The following PDZRN3 variants were observed in gnomAD, a reference collection of about 807,000 sequenced individuals.
PDZRN3 encodes E3 ubiquitin-protein ligase PDZRN3.
PDZRN3 carries 38 observed loss-of-function variants against 85.7 expected under a neutral mutation model. The observed-to-expected ratio is 0.44, with a 90% CI of 0.34 to 0.58. The LOEUF (loss-of-function observed/expected upper bound fraction) is 0.58, where lower values mean the gene tolerates loss of function less well. Among genes scored for constraint, PDZRN3 ranks in the 20% least tolerant of loss-of-function variants. The probability of loss-of-function intolerance (pLI) is 0.01; values close to 1 mark genes in which losing one functional copy is unlikely to be tolerated. For synonymous variants in PDZRN3, 759 were observed against 638.0 expected, an observed-to-expected ratio of 1.19 and a Z score of -2.86; for missense variants, 1,629 against 1,506.4, an observed-to-expected ratio of 1.08 and a Z score of -1.35.
intron 3 of PDZRN3, among the ~76,000 whole-genome samples, chr3:73,576,333 A>G (rs1236436958): frequency 2.0e-5 from 3 of 152,222 alleles, no homozygotes; most frequent in Non-Finnish European, 2.9e-5. Context: ...TATAAAGCTG[A>G]TATCTATATA....
chr3:73,486,172 C>T (rs1267750084), intron 3 of PDZRN3, among the ~76,000 whole-genome samples: 1 of 152,154 alleles, frequency 6.6e-6, no homozygotes, highest in Non-Finnish European at 1.5e-5. Context: ...AGCACATTAG[C>T]AGACAGTGGG....
rs781350349 is a variant in PDZRN3, at chr3:73,384,181, C to A, written c.2385G>T (p.Val795=). Residue 795 remains valine, a synonymous_variant, in exon 10 of 10, where the codon GTG becomes GTT. Transcript: ENST00000263666. ...CTGGCCCGTAGGCTTCCGTGGTCCCCACAGCCCCTTCGCTGCTCGGGCAGC... is the reference window on the plus strand; with the variant it reads ...CTGGCCCGTAGGCTTCCGTGGTCCCAACAGCCCCTTCGCTGCTCGGGCAGC... ...GISCPSSEGA[V]GTTEAYGPAS... 6.2e-7 allele frequency: 1 copy of A among 1,614,092 alleles called. No individual in the cohort carries two copies. The highest frequency in any genetic ancestry group is 8.5e-7 in the Non-Finnish European group (1 of 1,180,042).
chr3:73,483,049 T>C (rs7630151), intron 3 of PDZRN3, among the ~76,000 whole-genome samples: 151,871 of 152,326 alleles, frequency 1, 75,710 homozygotes, highest in Middle Eastern at 1. Flanking sequence ...TTGCCTTTGC[T>C]TTATAATCCA....
Position 73,400,976 on chromosome 3 carries a change from A to G in PDZRN3, c.1200T>C (p.Asn400=). 1.2e-6 allele frequency: 2 copies of G among 1,613,642 alleles called. No homozygotes were observed. The highest frequency in any genetic ancestry group is 1.7e-6 in the Non-Finnish European group (2 of 1,179,524). The change falls in exon 5 of 10, where the codon AAT becomes AAC. Residue 400 remains asparagine, a synonymous_variant. Coordinates refer to ENST00000263666, the MANE Select transcript of PDZRN3 (RefSeq NM_015009.3). ...CCTGATGGATGTCTCCAATGTAGTCATTTGGATCGTAGTATTCATGGGCTG... is the reference window on the plus strand; with the variant it reads ...CCTGATGGATGTCTCCAATGTAGTCGTTTGGATCGTAGTATTCATGGGCTG... ...HPSAHEYYDP[N]DYIGDIHQEM... is the part of the protein sequence containing the mutation.
At chr3:73,439,120 C>T (rs1241363403) in intron 3 of PDZRN3, among the ~76,000 whole-genome samples, 1 of 152,210 alleles carries the variant, frequency 6.6e-6, no homozygotes. Flanking sequence ...CTGTTCTTCC[C>T]TGGAGAGCAC....
At chr3:73,552,514 C>T (rs1461313565) in intron 3 of PDZRN3, among the ~76,000 whole-genome samples, 1 of 151,972 alleles carries the variant, frequency 6.6e-6, no homozygotes, top group Non-Finnish European at 1.5e-5. Flanking sequence ...ATACAAAGAA[C>T]ATATGTTTAT....
chr3:73,621,651 C>G (rs1410881091), intron 1 of PDZRN3: 1 of 152,166 alleles, frequency 6.6e-6, no homozygotes. Flanking sequence ...AAGGCCTCAG[C>G]TGAGGCCAGG....
chr3:73,415,042 G>T (rs989896159), intron 3 of PDZRN3, among the ~76,000 whole-genome samples: 1 of 152,170 alleles, frequency 6.6e-6, no homozygotes, highest in Non-Finnish European at 1.5e-5. Flanking sequence ...AATAATGATT[G>T]CGAATGTCTC....
chr3:73,476,348 C>T (rs942901689), intron 3 of PDZRN3, among the ~76,000 whole-genome samples: 2 of 152,092 alleles, frequency 1.3e-5, no homozygotes, highest in Non-Finnish European at 2.9e-5. Flanking sequence ...GGGAAAAGTG[C>T]TACACACTTT....
intron 3 of PDZRN3, among the ~76,000 whole-genome samples, chr3:73,555,244 A>G (rs2106815763): frequency 6.6e-6 from 1 of 152,278 alleles, no homozygotes; most frequent in Admixed American, 6.5e-5. Context: ...AACAAGCACT[A>G]GTTACTAAAA....
At chr3:73,567,577 C>A (rs1322166985) in intron 3 of PDZRN3, among the ~76,000 whole-genome samples, 1 of 152,102 alleles carries the variant, frequency 6.6e-6, no homozygotes, top group Non-Finnish European at 1.5e-5. Flanking sequence ...TTAGAAAAAA[C>A]TCCCCCAAAA....
chr3:73,405,349 T>G (rs1159409268), intron 3 of PDZRN3, among the ~76,000 whole-genome samples: 1 of 152,202 alleles, frequency 6.6e-6, no homozygotes, highest in Non-Finnish European at 1.5e-5. Context: ...TAGATGGAAG[T>G]CCAGTGATTT....
Position 73,591,949 on chromosome 3 carries a change from C to A in PDZRN3, c.918+10405G>T, listed in dbSNP as rs370688828. 2.5e-4 allele frequency among the ~76,000 whole-genome samples: 38 copies of A among 152,266 alleles called. No homozygotes were observed. The East Asian group carries it at 6.6e-3, about 26-fold the overall frequency. On this transcript the variant is annotated intron_variant, in intron 3 of 9. Coordinates refer to ENST00000263666, the MANE Select transcript of PDZRN3 (RefSeq NM_015009.3). ...TTTATCTCTGGGTATCCTGACCTAT[C>A]TCATATTAGGCAGAACTCAGTGCAC...
chr3:73,534,486 C>A (rs570094730), intron 3 of PDZRN3, among the ~76,000 whole-genome samples: 1 of 152,162 alleles, frequency 6.6e-6, no homozygotes, highest in South Asian at 2.1e-4. Context: ...GTTATTTTAA[C>A]ACTTAAGAGT....
chr3:73,394,933 A>C (rs970860906), intron 5 of PDZRN3, among the ~76,000 whole-genome samples: 1 of 152,228 alleles, frequency 6.6e-6, no homozygotes, highest in Admixed American at 6.5e-5. Flanking sequence ...TCTTATAAAG[A>C]TTACAGTAAG....
intron 3 of PDZRN3, chr3:73,433,797 G>T: frequency 2.0e-6 from 3 of 1,514,198 alleles, no homozygotes; most frequent in Non-Finnish European, 2.6e-6. Flanking sequence ...AGGTATCCTT[G>T]GAGAGCCTCA....
intron 3 of PDZRN3, among the ~76,000 whole-genome samples, chr3:73,492,811 T>C (rs1703795776): frequency 6.6e-6 from 1 of 152,174 alleles, no homozygotes; most frequent in South Asian, 2.1e-4. Context: ...TGATAAATGG[T>C]TGAGGTGGTG....
At position 73,578,146 on chromosome 3, in the gene PDZRN3, A is replaced by G. The variant is rs185662559; in HGVS notation, c.918+24208T>C. Among the ~76,000 whole-genome samples the G allele has an allele frequency of 2.9e-4, 42 of 146,586 alleles. No homozygotes were observed. In the East Asian group the frequency reaches 7.6e-3, roughly 27 times the overall value. The stretch of plus-strand genomic sequence containing the variant: ...GTTTACTACTGGGATCCTTTATGAT[A>G]TGGTCTTTGACCATTCTTTTTTTTT... On this transcript the variant is annotated intron_variant, in intron 3 of 9. Coordinates refer to ENST00000263666, the MANE Select transcript of PDZRN3 (RefSeq NM_015009.3).
intron 3 of PDZRN3, among the ~76,000 whole-genome samples, chr3:73,443,130 T>A (rs1360225898): frequency 6.6e-6 from 1 of 152,200 alleles, no homozygotes; most frequent in Non-Finnish European, 1.5e-5. Context: ...CCTCACCTCA[T>A]ACCTTCCACC....
Sources: gnomAD v4.1 joint callset for allele counts (sites outside exome capture counted in the v4.1 genomes callset) on GRCh38, gnomAD v4.1.1 for gene constraint, MANE v1.5 for transcripts, NCBI Gene and HGNC (gene_info 2026-07-23, HGNC 2026-07-21) for gene names.